Variants in RPS6KA2 observed in about 807,000 individuals in gnomAD.
RPS6KA2 encodes ribosomal protein S6 kinase A2, also known as ribosomal protein S6 kinase alpha-2.
RPS6KA2 carries 42 observed loss-of-function variants against 91.8 expected under a neutral mutation model. The ratio of observed to expected loss-of-function variants is 0.46; its 90% CI spans 0.36 to 0.59. The LOEUF (loss-of-function observed/expected upper bound fraction) is 0.59. RPS6KA2 is among the 20% of genes least tolerant of loss of function. The pLI is 0.00. For missense variants in RPS6KA2, 798 were observed against 978.5 expected (o/e 0.82, Z 2.46); for synonymous variants, 414 against 393.6 (o/e 1.05, Z -0.61).
intron 2 of RPS6KA2, among the ~76,000 whole-genome samples, chr6:166,750,236 C>T (rs1479962245): frequency 3.3e-5 from 5 of 152,186 alleles, no homozygotes; most frequent in Non-Finnish European, 7.4e-5. Flanking sequence ...GCAGAGACAT[C>T]GGGCGTGCTC....
At chr6:166,425,364 C>A (rs149852765) in intron 16 of RPS6KA2, among the ~76,000 whole-genome samples, 1,902 of 151,690 alleles carry the variant, frequency 0.013, 41 homozygotes, top group African/African-American at 0.043. Flanking sequence ...ATGTAAAGAC[C>A]ATCGAGACTA....
intron 8 of RPS6KA2, among the ~76,000 whole-genome samples, chr6:166,496,260 G>A (rs1781781541): frequency 6.6e-6 from 1 of 151,822 alleles, no homozygotes; most frequent in Non-Finnish European, 1.5e-5. Context: ...TGAGGCAGGA[G>A]AATGGCTTGA....
chr6:166,636,792 T>A (rs1039094255), intron 2 of RPS6KA2, among the ~76,000 whole-genome samples: 1 of 152,204 alleles, frequency 6.6e-6, no homozygotes, highest in African/African-American at 2.4e-5. Flanking sequence ...ACTCCAGGGT[T>A]AAATTTAGAA....
Position 166,438,263 on chromosome 6 carries a change from T to C in RPS6KA2, c.1333-5773A>G, listed in dbSNP as rs542549720. On this transcript the variant is annotated intron_variant, in intron 14 of 20. Transcript: ENST00000265678. Reference sequence around the variant, plus strand: ...GCTCTATTCATGCCGAACATCTGTCTTAATTCCGTTTCTTTTTTTGGTTGG... The same window carrying C: ...GCTCTATTCATGCCGAACATCTGTCCTAATTCCGTTTCTTTTTTTGGTTGG... Among the ~76,000 whole-genome samples, 8 of 152,376 alleles carry C rather than the reference T, an allele frequency of 5.3e-5. No homozygotes were observed. The East Asian group carries it at 1.5e-3, about 29-fold the overall frequency.
chr6:166,757,554 CT>C (rs974744854), intron 2 of RPS6KA2: 19 of 456,218 alleles, frequency 4.2e-5, no homozygotes, highest in Non-Finnish European at 7.0e-5. Context: ...TCTGCAGCTT[CT>C]TGTGTGGCAG....
intron 2 of RPS6KA2, among the ~76,000 whole-genome samples, chr6:166,748,566 A>G (rs200924038): frequency 5.1e-3 from 152 of 29,832 alleles, no homozygotes; most frequent in African/African-American, 0.012. Context: ...CCACCTCCTC[A>G]GGCCCCCACC....
chr6:166,680,299 A>G (rs1788752782), intron 2 of RPS6KA2, among the ~76,000 whole-genome samples: 1 of 152,234 alleles, frequency 6.6e-6, no homozygotes, highest in South Asian at 2.1e-4. Context: ...AAAACTGACC[A>G]ATCAGCTCTC....
chr6:166,681,540 C>G (rs773063172), intron 2 of RPS6KA2, among the ~76,000 whole-genome samples: 1 of 151,850 alleles, frequency 6.6e-6, no homozygotes, highest in Non-Finnish European at 1.5e-5. Flanking sequence ...GATCGGTGGC[C>G]CCAGGAAGGC....
At chr6:166,844,401 A>G (rs1164206486) in intron 2 of RPS6KA2, among the ~76,000 whole-genome samples, 1 of 152,234 alleles carries the variant, frequency 6.6e-6, no homozygotes, top group African/African-American at 2.4e-5. Flanking sequence ...TAGACATTCA[A>G]ATACAAGAAG....
chr6:166,527,697 G>A (rs910248291), intron 3 of RPS6KA2, among the ~76,000 whole-genome samples: 15 of 152,276 alleles, frequency 9.9e-5, no homozygotes, highest in Non-Finnish European at 1.9e-4. Flanking sequence ...AGACCTGTCT[G>A]CACTCAGTTC....
intron 1 of RPS6KA2, among the ~76,000 whole-genome samples, chr6:166,560,186 C>T (rs939240655): frequency 1.3e-5 from 2 of 152,208 alleles, no homozygotes; most frequent in African/African-American, 4.8e-5. Flanking sequence ...AATGAATAAG[C>T]TGGGCATGCA....
intron 1 of RPS6KA2, among the ~76,000 whole-genome samples, chr6:166,544,120 C>A (rs1010000609): frequency 6.6e-6 from 1 of 152,328 alleles, no homozygotes; most frequent in Middle Eastern, 3.4e-3. Flanking sequence ...GGTTTGGCCT[C>A]TGCGTATTCC....
At chr6:166,541,232 A>T (rs1374987537) in intron 1 of RPS6KA2, among the ~76,000 whole-genome samples, 1 of 152,246 alleles carries the variant, frequency 6.6e-6, no homozygotes, top group African/African-American at 2.4e-5. Context: ...ACTGCAGAAC[A>T]GAAAGTAAAA....
chr6:166,778,999 G>A (rs986159011), intron 2 of RPS6KA2, among the ~76,000 whole-genome samples: 4 of 152,358 alleles, frequency 2.6e-5, no homozygotes, highest in Admixed American at 2.0e-4. Flanking sequence ...ACTTGAAAAT[G>A]CGCAAATCTT....
chr6:166,853,998 C>T (rs1780820489), intron 2 of RPS6KA2, among the ~76,000 whole-genome samples: 1 of 152,240 alleles, frequency 6.6e-6, no homozygotes, highest in African/African-American at 2.4e-5. Flanking sequence ...TGAGCCCCTT[C>T]AAGTAATCTC....
chr6:166,792,548 C>CA (rs902277924), intron 2 of RPS6KA2, among the ~76,000 whole-genome samples: 3 of 151,254 alleles, frequency 2.0e-5, no homozygotes, highest in South Asian at 2.1e-4. Context: ...AGAGACACAA[C>CA]AAAAAAAGAG....
At chr6:166,740,410 G>C (rs184152461) in intron 2 of RPS6KA2, among the ~76,000 whole-genome samples, 2 of 152,178 alleles carry the variant, frequency 1.3e-5, no homozygotes, top group African/African-American at 4.8e-5. Flanking sequence ...TCAAAGATCA[G>C]CTGTGCAATT....
intron 2 of RPS6KA2, among the ~76,000 whole-genome samples, chr6:166,856,656 A>G (rs1388471123): frequency 6.6e-6 from 1 of 152,190 alleles, no homozygotes; most frequent in African/African-American, 2.4e-5. Context: ...AACACACTGA[A>G]AGTTCCCTGG....
At chr6:166,658,202 C>A (rs374342087) in intron 2 of RPS6KA2, among the ~76,000 whole-genome samples, 2 of 152,022 alleles carry the variant, frequency 1.3e-5, no homozygotes, top group South Asian at 2.1e-4. Context: ...TACTCCTGGG[C>A]GTGATTTGTG....
Sources: allele counts gnomAD v4.1 joint callset (sites outside exome capture counted in the v4.1 genomes callset), GRCh38; gene constraint gnomAD v4.1.1; transcripts MANE v1.5; gene names NCBI Gene and HGNC (gene_info 2026-07-23, HGNC 2026-07-21).